The following BMP1 variants were observed in gnomAD, a reference collection of about 807,000 sequenced individuals.
The protein encoded by BMP1 is mammalian tolloid protein.
BMP1 carries 63 observed loss-of-function variants against 116.8 expected under a neutral mutation model. The ratio of observed to expected loss-of-function variants is 0.54; its 90% confidence interval spans 0.44 to 0.67. The LOEUF (loss-of-function observed/expected upper bound fraction) is 0.67. BMP1 is among the 30% of genes least tolerant of loss of function. The pLI, the probability that BMP1 is intolerant of heterozygous loss-of-function variation, is 0.00. For missense variants in BMP1, 1,183 were observed against 1,358.9 expected, an observed-to-expected ratio of 0.87 and a Z score of 2.04; for synonymous variants, 536 against 533.4, an observed-to-expected ratio of 1.00 and a Z score of -0.07.
At chr8:22,197,555 CCA>C in intron 15 of BMP1, 135 bp downstream of exon 15, 1 of 939,428 alleles carries the variant, frequency 1.1e-6, no homozygotes, top group Non-Finnish European at 1.6e-6. Flanking sequence ...CTGCTCCCCA[CCA>C]CTTCACTCTC....
At chr8:22,167,166 G>T (rs183540262) in intron 1 of BMP1, among the ~76,000 whole-genome samples, 55 of 152,186 alleles carry the variant, frequency 3.6e-4, no homozygotes, top group Admixed American at 5.9e-4. Flanking sequence ...GAGAGGTGTG[G>T]GATTGCTGGT....
chr8:22,188,981 G>A (rs78115833), intron 8 of BMP1, among the ~76,000 whole-genome samples: 2,723 of 152,280 alleles, frequency 0.018, 59 homozygotes, highest in East Asian at 0.075. Context: ...GCCCTCACTC[G>A]GCCCTCTGCA....
At position 22,194,319 on chromosome 8, in the gene BMP1, G is replaced by T. The variant is rs951968008; in HGVS notation, c.1298-126G>T. Reference sequence around the variant, plus strand: ...AATGATGGGATTGCCTGGGACTGGGGGTTTGGTGGGGAACTGAAAAGCTGG... The same window carrying T: ...AATGATGGGATTGCCTGGGACTGGGTGTTTGGTGGGGAACTGAAAAGCTGG... On this transcript the variant is annotated intron_variant, in intron 10 of 19. Transcript: ENST00000306385. This position sits in a 1 kb window ranked among gnomAD's most constrained non-coding sequence, Gnocchi z 4.5. 2.0e-6 allele frequency: 3 copies of T among 1,465,382 alleles called. No homozygotes were observed. The highest frequency in any genetic ancestry group is 2.8e-6 in the Non-Finnish European group (3 of 1,065,520). The allele number at this position is 1,465,382 out of a possible 1,614,324, so 90.8% of individuals were successfully genotyped here.
chr8:22,203,298 G>A (rs745554161), intron 16 of BMP1, among the ~76,000 whole-genome samples: 1 of 152,202 alleles, frequency 6.6e-6, no homozygotes, highest in Non-Finnish European at 1.5e-5. Context: ...GCTCACGCCT[G>A]TAATCCCAGT....
chr8:22,189,464 A>G (rs1298884925), intron 8 of BMP1, among the ~76,000 whole-genome samples: 3 of 137,202 alleles, frequency 2.2e-5, no homozygotes, highest in East Asian at 2.0e-4. Flanking sequence ...ACACACACAT[A>G]TCTTATATAT....
At chr8:22,190,803 C>G (rs1828909728) in intron 8 of BMP1, among the ~76,000 whole-genome samples, 1 of 152,208 alleles carries the variant, frequency 6.6e-6, no homozygotes, top group Non-Finnish European at 1.5e-5. Context: ...CTCTAACTCT[C>G]TAAGAAGGTA....
chr8:22,178,490 G>T (rs1039515920), intron 6 of BMP1, among the ~76,000 whole-genome samples: 1 of 152,064 alleles, frequency 6.6e-6, no homozygotes, highest in Admixed American at 6.5e-5. Flanking sequence ...TGCCCAGGCT[G>T]GTCTCGAACT....
rs1161026608 is a variant in BMP1 at position 22,197,283 on chromosome 8, C to A, written c.1970C>A (p.Ala657Asp). 6.2e-7 allele frequency: 1 copy of A among 1,613,766 alleles called. No individual in the cohort carries two copies. The highest frequency in any genetic ancestry group is 2.2e-5 in the East Asian group (1 of 44,878). ...DFVEVRSGLTADSKLHGKFCG... is the reference protein window; with the variant it reads ...DFVEVRSGLTDDSKLHGKFCG... ...GTGGAGGTGCGCAGTGGACTCACAGCTGACTCCAAGCTGCATGGCAAGTTC... is the reference window on the plus strand; with the variant it reads ...GTGGAGGTGCGCAGTGGACTCACAGATGACTCCAAGCTGCATGGCAAGTTC... Residue 657 changes from alanine (A) to aspartate (D), a missense_variant, in exon 15 of 20, where the codon GCT becomes GAT. By Grantham distance (126) the Ala-to-Asp change is moderately radical. Coordinates refer to ENST00000306385, the MANE Select transcript of BMP1 (RefSeq NM_006129.5).
In BMP1 at chr8:22,194,421, C is replaced by A; in HGVS notation, c.1298-24C>A. 3 of 1,613,348 alleles carry A rather than the reference C, an allele frequency of 1.9e-6. No individual in the cohort carries two copies. The highest frequency in any genetic ancestry group is 2.5e-6 in the Non-Finnish European group (3 of 1,179,552). ...AAGCATGCTGACTCACCACCCCTTC[C>A]CACCCCATCCTGTGTCCCCACAGCC... is the stretch of plus-strand genomic sequence containing the variant. On this transcript the variant is annotated intron_variant, in intron 10 of 19. Coordinates refer to ENST00000306385, the MANE Select transcript of BMP1 (RefSeq NM_006129.5). This position sits in a 1 kb window ranked among gnomAD's most constrained non-coding sequence, Gnocchi z 4.5.
Position 22,197,299 on chromosome 8 carries a change from T to A in BMP1, c.1986T>A (p.His662Gln). The A allele has an allele frequency of 6.2e-7, 1 of 1,614,014 alleles. No homozygotes were observed. The highest frequency in any genetic ancestry group is 8.5e-7 in the Non-Finnish European group (1 of 1,179,914). ...RSGLTADSKL[H>Q]GKFCGSEKPE... is the part of the protein sequence containing the mutation. ...GACTCACAGCTGACTCCAAGCTGCA[T>A]GGCAAGTTCTGTGGTTCTGAGAAGC... Residue 662 changes from histidine to glutamine, a missense_variant, in exon 15 of 20, where the codon CAT becomes CAA. His to Gln is a conservative substitution (Grantham distance 24). Coordinates refer to ENST00000306385, the MANE Select transcript of BMP1 (RefSeq NM_006129.5).
chr8:22,191,963 A>G (rs1224430020), intron 8 of BMP1, 86 bp from the exon 9 acceptor site: 2 of 1,255,624 alleles, frequency 1.6e-6, no homozygotes, highest in East Asian at 4.8e-5. Context: ...GCCTCGCGTA[A>G]GGCGGGCGGT....
At chr8:22,207,152 C>G in intron 17 of BMP1, 151 bp from the exon 18 acceptor site, 1 of 1,378,400 alleles carries the variant, frequency 7.3e-7, no homozygotes, top group Non-Finnish European at 1.0e-6. Context: ...GCGTCCCTGC[C>G]TTCGCCCTAT....
At chr8:22,203,262 T>TA (rs1430869509) in intron 16 of BMP1, among the ~76,000 whole-genome samples, 1 of 151,952 alleles carries the variant, frequency 6.6e-6, no homozygotes, top group Admixed American at 6.5e-5. Context: ...CATGAAACGA[T>TA]AAAAAATGAT....
At position 22,174,627 on chromosome 8, in the gene BMP1, C is replaced by CTTTT. The variant is rs57781366; in HGVS notation, c.262+932_262+935dup. Among the ~76,000 whole-genome samples the CTTTT allele has an allele frequency of 7.6e-3, 807 of 106,218 alleles. 23 individuals are homozygous for CTTTT. The highest frequency in any genetic ancestry group is 0.025 in the African/African-American group (655 of 26,412). The allele number at this position is 106,218 out of a possible 152,430, so 69.7% of individuals were successfully genotyped here. A position where few individuals can be genotyped will look rare whatever the true frequency, so the allele number is the denominator to read the frequency against. On this transcript the variant is annotated intron_variant, in intron 2 of 19. Coordinates refer to ENST00000306385, the MANE Select transcript of BMP1 (RefSeq NM_006129.5). Reference sequence around the variant, plus strand: ...GGGATTCTTTCTTCTTTTTTTCTGTCTTTTTTTTTTTTTTTTTTTTTTTGA... The same window carrying CTTTT: ...GGGATTCTTTCTTCTTTTTTTCTGTCTTTTTTTTTTTTTTTTTTTTTTTTTTTGA...
At chr8:22,177,415 A>C (rs1336449690) in intron 5 of BMP1, among the ~76,000 whole-genome samples, 3 of 152,208 alleles carry the variant, frequency 2.0e-5, no homozygotes, top group Non-Finnish European at 1.5e-5. Context: ...AGGGTGGGGC[A>C]TGGGCATAGT....
In BMP1 at chr8:22,194,877, G is replaced by A. The variant is rs146615409; in HGVS notation, c.1597G>A (p.Gly533Arg). Residue 533 changes from glycine (G) to arginine (R), a missense_variant, in exon 12 of 20, where the codon GGG becomes AGG. Coordinates refer to ENST00000306385, the MANE Select transcript of BMP1 (RefSeq NM_006129.5). The surrounding 1 kb of genome is among the most constrained non-coding windows in gnomAD (Gnocchi z 4.5). The stretch of plus-strand genomic sequence containing the variant: ...CCTCTGGCTCAAGTTCGTCTCTGAC[G>A]GGTCCATTAACAAAGCGGGCTTTGC... ...SRLWLKFVSD[G>R]SINKAGFAVN... 20 of 1,613,222 alleles carry A rather than the reference G, an allele frequency of 1.2e-5. No individual in the cohort carries two copies. Among genetic ancestry groups the A allele is most frequent in the Non-Finnish European group, 1.6e-5 (19 of 1,179,838 alleles).
chr8:22,173,991 C>T (rs1334372442), intron 2 of BMP1, among the ~76,000 whole-genome samples: 1 of 152,218 alleles, frequency 6.6e-6, no homozygotes, highest in Non-Finnish European at 1.5e-5. Context: ...CCCCAACCAC[C>T]TTTAAAGGTG....
intron 13 of BMP1, chr8:22,196,299 T>C (rs756647065): frequency 1.6e-5 from 9 of 554,178 alleles, no homozygotes; most frequent in Non-Finnish European, 7.0e-6. Flanking sequence ...TCCAGCTCAC[T>C]AGGCCGATCC....
Position 22,209,643 on chromosome 8 carries a change from TCGACGGCTA to T in BMP1, c.2779_2787del (p.Gly927_Asp929del). 1 of 1,614,066 alleles carries T rather than the reference TCGACGGCTA, an allele frequency of 6.2e-7. No homozygotes were observed. The highest frequency in any genetic ancestry group is 8.5e-7 in the Non-Finnish European group (1 of 1,179,986). ...TGCGGCTATGACTACATGGAGCTCT[TCGACGGCTA>T]CGACAGCACAGCCCCCAGGCTGGGG... is the stretch of plus-strand genomic sequence containing the variant. On this transcript the variant is annotated inframe_deletion, in exon 19 of 20. Transcript: ENST00000306385.
Sources: allele counts gnomAD v4.1 joint callset (sites outside exome capture counted in the v4.1 genomes callset), GRCh38; gene constraint gnomAD v4.1.1; non-coding constraint Gnocchi (gnomAD v3.1); transcripts MANE v1.5; gene names NCBI Gene and HGNC (gene_info 2026-07-23, HGNC 2026-07-21).